The following CAPZB variants were observed in gnomAD, a reference collection of about 807,000 sequenced individuals.
CAPZB encodes the protein capping actin protein of muscle Z-line subunit beta.
A neutral mutation model predicts 38.1 loss-of-function variants in CAPZB; 2 were observed. The observed-to-expected ratio is 0.05, with a 90% CI of 0.02 to 0.17. The LOEUF (loss-of-function observed/expected upper bound fraction) is 0.17, where lower values mean the gene tolerates loss of function less well. Among genes scored for constraint, CAPZB ranks in the 10% least tolerant of loss-of-function variants. The pLI, the probability that CAPZB is intolerant of heterozygous loss-of-function variation, is 1.00. For synonymous variants in CAPZB, 107 were observed against 127.4 expected, an observed-to-expected ratio of 0.84 and a Z score of 1.08; for missense variants, 161 against 334.2, an observed-to-expected ratio of 0.48 and a Z score of 4.04.
chr1:19,345,775 C>T (rs2093957253), intron 6 of CAPZB, among the ~76,000 whole-genome samples: 1 of 152,268 alleles, frequency 6.6e-6, no homozygotes, highest in Non-Finnish European at 1.5e-5. Flanking sequence ...ACGGAGACTT[C>T]AGGCCAGAGG....
intron 1 of CAPZB, among the ~76,000 whole-genome samples, chr1:19,436,763 CAT>C (rs543709051): frequency 7.9e-4 from 120 of 152,314 alleles, no homozygotes; most frequent in Non-Finnish European, 1.5e-3. Context: ...ATACCTGGGA[CAT>C]AGTCACTGCT....
intron 1 of CAPZB, among the ~76,000 whole-genome samples, chr1:19,462,764 G>A (rs1426008485): frequency 6.6e-6 from 1 of 152,232 alleles, no homozygotes. Context: ...CTCAATGGGA[G>A]TCAACATTCA....
At chr1:19,466,827 A>T (rs2094570530) in intron 1 of CAPZB, among the ~76,000 whole-genome samples, 1 of 152,238 alleles carries the variant, frequency 6.6e-6, no homozygotes, top group Admixed American at 6.5e-5. Context: ...AAATATAACT[A>T]GCACATCAAA....
intron 2 of CAPZB, among the ~76,000 whole-genome samples, chr1:19,406,815 G>A (rs753972029): frequency 6.6e-5 from 10 of 152,150 alleles, no homozygotes; most frequent in South Asian, 2.1e-4. Flanking sequence ...AGTATTTTGC[G>A]CAAGTTTGAC....
intron 1 of CAPZB, among the ~76,000 whole-genome samples, chr1:19,468,789 C>A (rs1296382253): frequency 1.3e-5 from 2 of 152,156 alleles, no homozygotes; most frequent in Non-Finnish European, 2.9e-5. Context: ...TGAGTCGGCA[C>A]ACGCCGTCTC....
At chr1:19,465,057 C>CA (rs1385103937) in intron 1 of CAPZB, among the ~76,000 whole-genome samples, 6 of 151,614 alleles carry the variant, frequency 4.0e-5, no homozygotes, top group Middle Eastern at 3.4e-3. Context: ...TGATTAAAAA[C>CA]AAAAAAAAGA....
At chr1:19,360,388 T>C (rs935837172) in intron 4 of CAPZB, among the ~76,000 whole-genome samples, 4 of 152,206 alleles carry the variant, frequency 2.6e-5, no homozygotes, top group African/African-American at 7.2e-5. Flanking sequence ...AATCCGTTCT[T>C]TCCTTCAGCC....
chr1:19,417,923 G>T (rs552188963), intron 2 of CAPZB, among the ~76,000 whole-genome samples: 3 of 152,034 alleles, frequency 2.0e-5, no homozygotes, highest in South Asian at 2.1e-4. Context: ...GATCACTTGA[G>T]GTCAAGAGTT....
At chr1:19,414,320 G>A (rs1006470457) in intron 2 of CAPZB, among the ~76,000 whole-genome samples, 1 of 152,114 alleles carries the variant, frequency 6.6e-6, no homozygotes, top group Non-Finnish European at 1.5e-5. Flanking sequence ...ATTTCTAGAG[G>A]GCTGCTCTGG....
At chr1:19,472,959 C>T (rs564516323) in intron 1 of CAPZB, among the ~76,000 whole-genome samples, 18 of 152,068 alleles carry the variant, frequency 1.2e-4, no homozygotes, top group African/African-American at 2.7e-4. Flanking sequence ...CCTCATGATC[C>T]GCCCGCCTCG....
intron 2 of CAPZB, among the ~76,000 whole-genome samples, chr1:19,391,784 A>C (rs2094236911): frequency 6.6e-6 from 1 of 152,182 alleles, no homozygotes; most frequent in Non-Finnish European, 1.5e-5. Context: ...TAAACCCCGA[A>C]TGCCCGCTCC....
chr1:19,421,825 A>T (rs934934378), intron 1 of CAPZB, among the ~76,000 whole-genome samples: 1 of 152,240 alleles, frequency 6.6e-6, no homozygotes, highest in East Asian at 1.9e-4. Flanking sequence ...ACAATAATTT[A>T]GTAATGCATG....
rs540746178 is a variant in CAPZB at position 19,413,912 on chromosome 1, A to G, written c.93+5749T>C. On this transcript the variant is annotated intron_variant, in intron 2 of 8. Transcript: ENST00000264202. The stretch of plus-strand genomic sequence containing the variant: ...AGCTGTCCCTGGAAAAATGATTTCC[A>G]GATTTCATTGCTTTGACTATTAAAG... Among the ~76,000 whole-genome samples the G allele has an allele frequency of 2.0e-5, 3 of 152,326 alleles. No homozygotes were observed. In the South Asian group the frequency reaches 6.2e-4, roughly 32 times the overall value.
At chr1:19,477,007 T>C in intron 1 of CAPZB, among the ~76,000 whole-genome samples, 1 of 152,324 alleles carries the variant, frequency 6.6e-6, no homozygotes, top group South Asian at 2.1e-4. Flanking sequence ...TTCAGCAAGT[T>C]ACTACACCTC....
At chr1:19,461,648 TTAAAA>T (rs1189442293) in intron 1 of CAPZB, among the ~76,000 whole-genome samples, 1 of 152,246 alleles carries the variant, frequency 6.6e-6, no homozygotes, top group Non-Finnish European at 1.5e-5. Context: ...GAACTTTTAC[TTAAAA>T]TAAGAGTTTT....
chr1:19,444,303 G>C (rs952679253), intron 1 of CAPZB, among the ~76,000 whole-genome samples: 148 of 152,236 alleles, frequency 9.7e-4, no homozygotes, highest in African/African-American at 3.4e-3. Flanking sequence ...CCCTCCATCA[G>C]TCTGCAACAC....
At chr1:19,443,011 C>T (rs774927503) in intron 1 of CAPZB, among the ~76,000 whole-genome samples, 262 of 152,232 alleles carry the variant, frequency 1.7e-3, no homozygotes, top group Non-Finnish European at 2.7e-3. Context: ...ACTTCATACC[C>T]TTCCCCCAAC....
chr1:19,387,598 C>G (rs2094210859), intron 2 of CAPZB, among the ~76,000 whole-genome samples: 1 of 152,216 alleles, frequency 6.6e-6, no homozygotes, highest in African/African-American at 2.4e-5. Flanking sequence ...CCCATTCTCT[C>G]TGGTTGGAGT....
intron 1 of CAPZB, among the ~76,000 whole-genome samples, chr1:19,480,386 G>A (rs1225083669): frequency 3.9e-5 from 6 of 152,268 alleles, no homozygotes; most frequent in Middle Eastern, 6.8e-3. Flanking sequence ...GGAATTAGCC[G>A]CCTCACTGAC....
Sources: gnomAD v4.1 joint callset for allele counts (sites outside exome capture counted in the v4.1 genomes callset) on GRCh38, gnomAD v4.1.1 for gene constraint, MANE v1.5 for transcripts, NCBI Gene and HGNC (gene_info 2026-07-23, HGNC 2026-07-21) for gene names.